The following ARHGEF33 variants were observed in gnomAD, a reference collection of about 807,000 sequenced individuals.
ARHGEF33 encodes DH and coiled-coil domain-containing protein ENSP00000381780.
A neutral mutation model predicts 101.9 loss-of-function variants in ARHGEF33; 72 were observed. The observed-to-expected ratio is 0.71, with a 90% CI of 0.58 to 0.86. The LOEUF (loss-of-function observed/expected upper bound fraction) is 0.86, where lower values mean the gene tolerates loss of function less well. ARHGEF33 is among the 40% of genes least tolerant of loss of function. ARHGEF33 has a pLI of 0.00. For synonymous variants in ARHGEF33, 499 were observed against 442.5 expected (o/e 1.13, Z -1.60); for missense variants, 1,169 against 1,111.3 (o/e 1.05, Z -0.74).
chr2:38,972,738 T>C (rs1668193070), intron 17 of ARHGEF33, among the ~76,000 whole-genome samples: 1 of 152,178 alleles, frequency 6.6e-6, no homozygotes, highest in Non-Finnish European at 1.5e-5. Flanking sequence ...CCAATGATAG[T>C]ACAAGGACTC....
At chr2:38,946,429 CCTT>C (rs67229351) in intron 10 of ARHGEF33, among the ~76,000 whole-genome samples, 32,318 of 151,994 alleles carry the variant, frequency 0.21, 4,336 homozygotes, top group Non-Finnish European at 0.29. Context: ...GCTAGACTAA[CCTT>C]CTTTTTTCTT....
At chr2:38,929,920 A>ATAGC in intron 6 of ARHGEF33, 90 bp downstream of exon 6, 1 of 1,187,486 alleles carries the variant, frequency 8.4e-7, no homozygotes. Context: ...CTATCAGTGT[A>ATAGC]TAGCTAGCTG....
intron 2 of ARHGEF33, among the ~76,000 whole-genome samples, chr2:38,900,566 T>A (rs1421796231): frequency 6.6e-6 from 1 of 152,168 alleles, no homozygotes; most frequent in African/African-American, 2.4e-5. Context: ...GCTAGTCCAG[T>A]CACTAGCTGT....
At chr2:38,904,691 G>A (rs1478154441) in intron 2 of ARHGEF33, among the ~76,000 whole-genome samples, 10 of 140,892 alleles carry the variant, frequency 7.1e-5, no homozygotes, top group African/African-American at 2.6e-4. Flanking sequence ...CAGGGAGACG[G>A]AGCGAGACTC....
chr2:38,905,669 C>A (rs1666372038), intron 2 of ARHGEF33, among the ~76,000 whole-genome samples: 1 of 152,130 alleles, frequency 6.6e-6, no homozygotes, highest in Non-Finnish European at 1.5e-5. Flanking sequence ...TTATTTAGTT[C>A]TACAGCAGGA....
intron 9 of ARHGEF33, among the ~76,000 whole-genome samples, chr2:38,943,147 C>T (rs1000892155): frequency 3.3e-5 from 5 of 152,092 alleles, no homozygotes; most frequent in East Asian, 3.8e-4. Flanking sequence ...AGGCTGGTCT[C>T]GAACTCCTGA....
chr2:38,898,942 T>G (rs1666181220), intron 2 of ARHGEF33, among the ~76,000 whole-genome samples: 1 of 152,234 alleles, frequency 6.6e-6, no homozygotes, highest in Admixed American at 6.5e-5. Context: ...TCAGACATGT[T>G]TAAATAGTGA....
intron 1 of ARHGEF33, among the ~76,000 whole-genome samples, chr2:38,894,725 A>C (rs1033962046): frequency 1.2e-4 from 19 of 152,190 alleles, no homozygotes; most frequent in Admixed American, 6.5e-5. Context: ...CCCAGTGGTC[A>C]CTCAGTGTTT....
At chr2:38,951,704 AATAT>A (rs925927862) in intron 11 of ARHGEF33, among the ~76,000 whole-genome samples, 1 of 152,028 alleles carries the variant, frequency 6.6e-6, no homozygotes, top group Non-Finnish European at 1.5e-5. Flanking sequence ...TATATACACA[AATAT>A]ATATATACAC....
intron 6 of ARHGEF33, 103 bp from the exon 7 acceptor site, chr2:38,931,006 C>A: frequency 1.1e-6 from 1 of 890,814 alleles, no homozygotes; most frequent in Non-Finnish European, 1.6e-6. Flanking sequence ...ATAGTTCAAC[C>A]TAATAATTCA....
intron 11 of ARHGEF33, among the ~76,000 whole-genome samples, chr2:38,952,703 A>ATT (rs11455955): frequency 3.4e-5 from 5 of 145,128 alleles, no homozygotes; most frequent in South Asian, 2.2e-4. Context: ...TTTAAGATAC[A>ATT]TTTTTTTTTT....
rs1667378687 is a variant in ARHGEF33 at position 38,944,050 on chromosome 2, C to T, written c.920+20C>T. 6.5e-7 allele frequency: 1 copy of T among 1,531,250 alleles called. No homozygotes were observed. Among genetic ancestry groups the T allele is most frequent in the African/African-American group, 1.4e-5 (1 of 71,986 alleles). The allele number at this position is 1,531,250 out of a possible 1,614,324, so 94.9% of individuals were successfully genotyped here. On this transcript the variant is annotated intron_variant, in intron 10 of 17. Transcript: ENST00000409978. ...GAGAAGGTATCCATGCACTCATTGC[C>T]TTTGCTTTTCAGATTGATTAGGATT... is the stretch of plus-strand genomic sequence containing the variant.
intron 1 of ARHGEF33, among the ~76,000 whole-genome samples, chr2:38,891,189 C>T (rs1665988738): frequency 6.6e-6 from 1 of 152,096 alleles, no homozygotes; most frequent in Non-Finnish European, 1.5e-5. Context: ...CCACTTCAGC[C>T]TCCCAAAGTG....
intron 7 of ARHGEF33, among the ~76,000 whole-genome samples, chr2:38,933,801 C>G (rs1187193532): frequency 2.0e-5 from 3 of 152,136 alleles, no homozygotes; most frequent in Admixed American, 6.5e-5. Flanking sequence ...GACGTAAATG[C>G]TAAGGGGTGG....
chr2:38,899,459 G>A (rs955039827), intron 2 of ARHGEF33, among the ~76,000 whole-genome samples: 15 of 151,996 alleles, frequency 9.9e-5, no homozygotes, highest in African/African-American at 3.6e-4. Flanking sequence ...GCACCAAGCA[G>A]CAAATACCAC....
intron 2 of ARHGEF33, among the ~76,000 whole-genome samples, chr2:38,914,592 G>A (rs895145334): frequency 3.3e-5 from 5 of 151,300 alleles, no homozygotes; most frequent in African/African-American, 4.9e-5. Flanking sequence ...GTTTGAAACC[G>A]GGAGGCGGAG....
At chr2:38,902,268 T>C (rs531384614) in intron 2 of ARHGEF33, among the ~76,000 whole-genome samples, 2 of 152,270 alleles carry the variant, frequency 1.3e-5, no homozygotes, top group Non-Finnish European at 1.5e-5. Context: ...AGAGTCATAA[T>C]GTTGGCGACA....
At chr2:38,891,718 A>G (rs1317832462) in intron 1 of ARHGEF33, among the ~76,000 whole-genome samples, 9 of 152,028 alleles carry the variant, frequency 5.9e-5, no homozygotes, top group Admixed American at 5.9e-4. Context: ...AGTGTGGAAG[A>G]TTCCCCACCC....
chr2:38,902,380 C>T (rs1352561755), intron 2 of ARHGEF33, among the ~76,000 whole-genome samples: 1 of 152,092 alleles, frequency 6.6e-6, no homozygotes, highest in Non-Finnish European at 1.5e-5. Flanking sequence ...ACGTGTTATC[C>T]GATTCCATAA....
Sources: allele counts gnomAD v4.1 joint callset (sites outside exome capture counted in the v4.1 genomes callset), GRCh38; gene constraint gnomAD v4.1.1; transcripts MANE v1.5; gene names NCBI Gene and HGNC (gene_info 2026-07-23, HGNC 2026-07-21).